The following RIC1 variants were observed in gnomAD, a reference collection of about 807,000 sequenced individuals.
RIC1 encodes the protein RIC1 partner of RAB6A GEF complex.
Under a neutral mutation model 169.0 loss-of-function variants are expected in RIC1, and 88 were observed. The ratio of observed to expected loss-of-function variants is 0.52; its 90% CI spans 0.44 to 0.62. The LOEUF (loss-of-function observed/expected upper bound fraction) is 0.62, where lower values mean the gene tolerates loss of function less well. Among genes scored for constraint, RIC1 ranks in the 20% least tolerant of loss-of-function variants. RIC1 has a pLI of 0.00. For missense variants in RIC1, 1,877 were observed against 1,725.5 expected (o/e 1.09, Z -1.56); for synonymous variants, 790 against 601.5 (o/e 1.31, Z -4.59).
chr9:5,750,845 C>T (rs1456970183), intron 12 of RIC1, among the ~76,000 whole-genome samples: 3 of 151,588 alleles, frequency 2.0e-5, no homozygotes, highest in Admixed American at 2.0e-4. Context: ...GCTCAGAGTT[C>T]AGATGACACA....
intron 2 of RIC1, among the ~76,000 whole-genome samples, chr9:5,684,028 C>A (rs1821039815): frequency 6.6e-6 from 1 of 152,136 alleles, no homozygotes; most frequent in Admixed American, 6.5e-5. Context: ...ACTCGATTTT[C>A]CTGGTGCCGT....
chr9:5,756,940 G>A (rs1826049209), intron 16 of RIC1, among the ~76,000 whole-genome samples: 2 of 152,200 alleles, frequency 1.3e-5, no homozygotes, highest in Admixed American at 6.5e-5. Flanking sequence ...TGTATTTACT[G>A]AAACAGCACA....
At chr9:5,770,954 GTTTT>G (rs1162263045) in intron 23 of RIC1, among the ~76,000 whole-genome samples, 1 of 152,088 alleles carries the variant, frequency 6.6e-6, no homozygotes, top group Non-Finnish European at 1.5e-5. Flanking sequence ...TGAGTTTGCA[GTTTT>G]TTTAGTGGCC....
intron 7 of RIC1, among the ~76,000 whole-genome samples, chr9:5,738,027 A>T (rs956677334): frequency 3.3e-5 from 5 of 152,056 alleles, no homozygotes; most frequent in African/African-American, 1.2e-4. Flanking sequence ...TGCAGTTCAG[A>T]TCCATGTTGT....
chr9:5,637,752 G>A (rs1047217583), intron 1 of RIC1, among the ~76,000 whole-genome samples: 2 of 152,140 alleles, frequency 1.3e-5, no homozygotes, highest in Non-Finnish European at 2.9e-5. Flanking sequence ...TTAACATAAT[G>A]ACCTCTAGTT....
At chr9:5,685,249 G>C (rs1328255882) in intron 2 of RIC1, among the ~76,000 whole-genome samples, 17 of 149,830 alleles carry the variant, frequency 1.1e-4, no homozygotes, top group East Asian at 7.9e-4. Context: ...CTACCAATGA[G>C]TTTCTTCACA....
At chr9:5,636,770 T>C (rs945132005) in intron 1 of RIC1, among the ~76,000 whole-genome samples, 1 of 152,212 alleles carries the variant, frequency 6.6e-6, no homozygotes, top group Non-Finnish European at 1.5e-5. Flanking sequence ...AAATATAAGA[T>C]TATGTCATCT....
intron 11 of RIC1, among the ~76,000 whole-genome samples, chr9:5,746,517 C>G (rs983908214): frequency 6.6e-6 from 1 of 151,998 alleles, no homozygotes; most frequent in East Asian, 1.9e-4. Flanking sequence ...GCTCCAGAGG[C>G]TTAAATATGC....
chr9:5,759,352 G>C (rs938662131), intron 17 of RIC1, among the ~76,000 whole-genome samples: 17 of 152,120 alleles, frequency 1.1e-4, no homozygotes, highest in African/African-American at 4.1e-4. Context: ...CAAGTATAGA[G>C]AGTCATCTTC....
rs374256125 is a variant in RIC1, at chr9:5,770,164, C to A, written c.3502C>A (p.Gln1168Lys). 26 of 1,613,822 alleles carry A rather than the reference C, an allele frequency of 1.6e-5. No homozygotes were observed. Among genetic ancestry groups the A allele is most frequent in the Non-Finnish European group, 2.5e-6 (3 of 1,179,918 alleles). The change falls in exon 23 of 26, where the codon CAG (glutamine) becomes AAG (lysine). Residue 1168 changes from glutamine to lysine, a missense_variant. Gln to Lys is a moderately conservative substitution (Grantham distance 53). This residue lies in a region of RIC1 where 681 missense variants were observed against 582.0 expected (regional missense o/e 1.17). Transcript: ENST00000414202. Reference sequence around the variant, plus strand: ...GATGGATGCTGGCATCTCCAACATCCAGCGAAGTCAGAGCTGGCTCAGCAA... The same window carrying A: ...GATGGATGCTGGCATCTCCAACATCAAGCGAAGTCAGAGCTGGCTCAGCAA... ...LEMDAGISNI[Q>K]RSQSWLSNIG...
Position 5,690,125 on chromosome 9 carries a change from G to T in RIC1, c.332+87G>T, listed in dbSNP as rs181017010. 7 of 848,386 alleles carry T rather than the reference G, an allele frequency of 8.3e-6. No individual in the cohort carries two copies. The Admixed American group carries it at 1.5e-4, about 18-fold the overall frequency. The allele number at this position is 848,386 out of a possible 1,614,324, so 52.6% of individuals were successfully genotyped here. On this transcript the variant is annotated intron_variant, in intron 3 of 25. Coordinates refer to ENST00000414202, the MANE Select transcript of RIC1 (RefSeq NM_020829.4). ...ATTACAGTTTTGAGTTGTCTGTAGT[G>T]ATTAGAATAAAACTAAACCAGCATT...
intron 3 of RIC1, chr9:5,713,048 G>A (rs1347396055): frequency 2.0e-5 from 3 of 152,144 alleles, no homozygotes; most frequent in Non-Finnish European, 4.4e-5. Flanking sequence ...CAGGAACTTT[G>A]AAAGCTATTG....
Position 5,692,691 on chromosome 9 carries a change from C to G in RIC1, c.332+2653C>G, listed in dbSNP as rs558609083. ...TGTACAATGGGAATAAAAATAACTT[C>G]TTTCATTGTTAAGAGGATTATGTGA... is the stretch of plus-strand genomic sequence containing the variant. On this transcript the variant is annotated intron_variant, in intron 3 of 25. Coordinates refer to ENST00000414202, the MANE Select transcript of RIC1 (RefSeq NM_020829.4). 5.7e-4 allele frequency among the ~76,000 whole-genome samples: 87 copies of G among 152,050 alleles called. 2 individuals carry two copies. The Middle Eastern group carries it at 0.014, about 24-fold the overall frequency.
chr9:5,659,342 T>C (rs1204659949), intron 2 of RIC1, among the ~76,000 whole-genome samples: 1 of 152,144 alleles, frequency 6.6e-6, no homozygotes, highest in Non-Finnish European at 1.5e-5. Flanking sequence ...AATCCTCCAA[T>C]TTTATTGTTG....
At chr9:5,693,420 G>A (rs1281047494) in intron 3 of RIC1, among the ~76,000 whole-genome samples, 3 of 152,084 alleles carry the variant, frequency 2.0e-5, no homozygotes, top group African/African-American at 7.2e-5. Flanking sequence ...TTCTATAGAT[G>A]TTGGGAGTCA....
At position 5,720,781 on chromosome 9, in the gene RIC1, G is replaced by A. The variant is rs752725545; in HGVS notation, c.720+31G>A. 2.0e-6 allele frequency: 3 copies of A among 1,532,048 alleles called. No homozygotes were observed. In the Admixed American group the frequency reaches 6.4e-5, roughly 33 times the overall value. 94.9% of individuals were successfully genotyped at this position (1,532,048 alleles called of 1,614,324 possible). On this transcript the variant is annotated intron_variant, in intron 6 of 25. Coordinates refer to ENST00000414202, the MANE Select transcript of RIC1 (RefSeq NM_020829.4). The stretch of plus-strand genomic sequence containing the variant: ...ACTTATTTACTTTGAAGGGTTTTTT[G>A]TTATTGTGTACTTATTTTATTCTTT...
chr9:5,725,263 G>C (rs576908246), intron 6 of RIC1, among the ~76,000 whole-genome samples: 2 of 152,186 alleles, frequency 1.3e-5, no homozygotes, highest in African/African-American at 4.8e-5. Flanking sequence ...CAGGGATTCA[G>C]CTTCTTCCTG....
chr9:5,689,989 A>G lies in RIC1; in HGVS notation c.283A>G (p.Ile95Val), dbSNP rs1323702877. 2.5e-6 allele frequency: 4 copies of G among 1,601,430 alleles called. No individual in the cohort carries two copies. Among genetic ancestry groups the G allele is most frequent in the African/African-American group, 2.7e-5 (2 of 74,134 alleles). ...AAATGGATACATCTTGTTTTTTCAT[A>G]TTACATCTACAAGAGGGGACAAGTA... is the stretch of plus-strand genomic sequence containing the variant. ...TANGYILFFHITSTRGDKYLY... is the reference protein window; with the variant it reads ...TANGYILFFHVTSTRGDKYLY... Residue 95 changes from isoleucine (I) to valine (V), a missense_variant, in exon 3 of 26, where the codon ATT (isoleucine) becomes GTT (valine). Around this residue, in one of 3 missense-constraint regions of RIC1, gnomAD observed 1,104 missense variants for 992.0 expected, o/e 1.11. Coordinates refer to ENST00000414202, the MANE Select transcript of RIC1 (RefSeq NM_020829.4).
chr9:5,774,474 A>C lies in RIC1; in HGVS notation c.*228A>C. ...AATTTTAAGCTGCAGTGAAAAGTAA[A>C]TATTGTACAGATGTACATGAGAATA... On this transcript the variant is annotated 3_prime_UTR_variant, in exon 26 of 26. Transcript: ENST00000414202. The C allele has an allele frequency of 2.4e-6, 1 of 414,304 alleles. No homozygotes were observed. Among genetic ancestry groups the C allele is most frequent in the Non-Finnish European group, 4.3e-6 (1 of 234,744 alleles). The allele number at this position is 414,304 out of a possible 1,614,324, so 25.7% of individuals were successfully genotyped here.
Sources: gnomAD v4.1 joint callset for allele counts (sites outside exome capture counted in the v4.1 genomes callset) on GRCh38, gnomAD v4.1.1 for gene constraint, gnomAD v4.1.1 regional missense constraint, MANE v1.5 for transcripts, NCBI Gene and HGNC (gene_info 2026-07-23, HGNC 2026-07-21) for gene names.